Variants in LINGO2 observed in about 807,000 individuals in gnomAD.
LINGO2 encodes the protein leucine-rich repeat and immunoglobulin-like domain-containing nogo receptor-interacting protein 2.
A neutral mutation model predicts 30.6 loss-of-function variants in LINGO2; 14 were observed. The observed-to-expected ratio is 0.46, with a 90% CI of 0.30 to 0.72. The LOEUF (loss-of-function observed/expected upper bound fraction) is 0.72. Among genes scored for constraint, LINGO2 ranks in the 30% least tolerant of loss-of-function variants. The pLI, the probability that LINGO2 is intolerant of heterozygous loss-of-function variation, is 0.07. For missense variants in LINGO2, 729 were observed against 751.7 expected, an observed-to-expected ratio of 0.97 and a Z score of 0.35; for synonymous variants, 317 against 288.5, an observed-to-expected ratio of 1.10 and a Z score of -1.00.
chr9:29,168,098 G>C, the LINGO2 span, among the ~76,000 whole-genome samples: 1 of 151,852 alleles, frequency 6.6e-6, no homozygotes, highest in Non-Finnish European at 1.5e-5. Context: ...ATGAAGTCTT[G>C]AACTAGGAAT....
intron 1 of LINGO2, among the ~76,000 whole-genome samples, chr9:28,562,283 G>C (rs1823127705): frequency 6.6e-6 from 1 of 151,894 alleles, no homozygotes. Context: ...AGAAAGCATT[G>C]TTCTTTTTTT....
At chr9:28,680,847 T>C in the LINGO2 span, among the ~76,000 whole-genome samples, 2 of 152,124 alleles carry the variant, frequency 1.3e-5, no homozygotes, top group Non-Finnish European at 2.9e-5. Context: ...GTTTTGTGAA[T>C]TCTTTATGCA....
At chr9:28,621,335 A>G (rs1826381132) in intron 1 of LINGO2, among the ~76,000 whole-genome samples, 1 of 151,982 alleles carries the variant, frequency 6.6e-6, no homozygotes, top group Admixed American at 6.6e-5. Context: ...TGAATTTGAC[A>G]TATAGAGTCA....
At chr9:28,470,866 CTG>C (rs1447138265) in intron 2 of LINGO2, among the ~76,000 whole-genome samples, 1 of 147,914 alleles carries the variant, frequency 6.8e-6, no homozygotes, top group African/African-American at 2.5e-5. Context: ...ATTTATATAT[CTG>C]TAATTATATA....
intron 1 of LINGO2, among the ~76,000 whole-genome samples, chr9:28,512,822 G>A (rs1372488932): frequency 6.6e-6 from 1 of 151,202 alleles, no homozygotes; most frequent in East Asian, 2.0e-4. Flanking sequence ...ATGTTTGAGG[G>A]CAGGAAGCAT....
intron 4 of LINGO2, among the ~76,000 whole-genome samples, chr9:28,172,354 G>A (rs961341047): frequency 4.0e-5 from 6 of 149,686 alleles, no homozygotes; most frequent in African/African-American, 1.5e-4. Context: ...TCCCGCCACT[G>A]CACTCCAGCC....
chr9:29,118,367 C>A, the LINGO2 span, among the ~76,000 whole-genome samples: 3,908 of 152,206 alleles, frequency 0.026, 155 homozygotes, highest in African/African-American at 0.088. Context: ...TAAAAACCAG[C>A]AAACTAGGGA....
At chr9:28,409,619 G>GT (rs1822664231) in intron 2 of LINGO2, among the ~76,000 whole-genome samples, 2 of 114,852 alleles carry the variant, frequency 1.7e-5, no homozygotes, top group African/African-American at 5.3e-5. Flanking sequence ...AGATGTGCAG[G>GT]GGTGTGTGTG....
chr9:28,918,006 G>A, the LINGO2 span, among the ~76,000 whole-genome samples: 3 of 152,040 alleles, frequency 2.0e-5, no homozygotes, highest in Non-Finnish European at 2.9e-5. Context: ...CTCACTAACA[G>A]ATCCCTAAGG....
chr9:28,464,703 T>A (rs1326328602), intron 2 of LINGO2, among the ~76,000 whole-genome samples: 3 of 152,234 alleles, frequency 2.0e-5, no homozygotes, highest in Non-Finnish European at 1.5e-5. Flanking sequence ...AAGGCCATCA[T>A]CGGCTTTTTA....
the LINGO2 span, among the ~76,000 whole-genome samples, chr9:28,840,098 C>T: frequency 2.6e-5 from 4 of 152,002 alleles, no homozygotes; most frequent in Admixed American, 6.5e-5. Flanking sequence ...AGGGGCTAGG[C>T]AACAGGAGCA....
At chr9:28,950,941 C>T in the LINGO2 span, among the ~76,000 whole-genome samples, 12 of 152,108 alleles carry the variant, frequency 7.9e-5, no homozygotes, top group Non-Finnish European at 1.6e-4. Flanking sequence ...CAAGACAATC[C>T]TAAGCAAAAA....
At chr9:28,059,204 C>T (rs1166008729) in intron 4 of LINGO2, among the ~76,000 whole-genome samples, 1 of 152,008 alleles carries the variant, frequency 6.6e-6, no homozygotes, top group Non-Finnish European at 1.5e-5. Context: ...AGAACATGTT[C>T]CTTATAAATG....
intron 4 of LINGO2, among the ~76,000 whole-genome samples, chr9:28,255,665 G>T (rs1005999901): frequency 1.3e-5 from 2 of 152,036 alleles, no homozygotes; most frequent in Non-Finnish European, 2.9e-5. Flanking sequence ...TGCTTCAGTG[G>T]AATAAACATT....
the LINGO2 span, among the ~76,000 whole-genome samples, chr9:28,972,144 A>G: frequency 6.6e-6 from 1 of 152,354 alleles, no homozygotes; most frequent in South Asian, 2.1e-4. Flanking sequence ...GCAAGTCCTT[A>G]TGAATATCTG....
intron 2 of LINGO2, among the ~76,000 whole-genome samples, chr9:28,472,151 A>G (rs1336814903): frequency 6.6e-6 from 1 of 152,110 alleles, no homozygotes; most frequent in East Asian, 1.9e-4. Context: ...AGACATTCTG[A>G]TAATTCATTT....
At chr9:29,089,071 C>A in the LINGO2 span, among the ~76,000 whole-genome samples, 6 of 151,910 alleles carry the variant, frequency 3.9e-5, no homozygotes, top group African/African-American at 1.4e-4. Flanking sequence ...AAACTTAATT[C>A]TCTTCATTTT....
At chr9:28,362,108 G>A (rs1285169531) in intron 3 of LINGO2, among the ~76,000 whole-genome samples, 1 of 152,186 alleles carries the variant, frequency 6.6e-6, no homozygotes, top group East Asian at 1.9e-4. Flanking sequence ...AATATCTAAA[G>A]CTGGACGTGG....
At chr9:28,876,873 T>C in the LINGO2 span, among the ~76,000 whole-genome samples, 7 of 152,066 alleles carry the variant, frequency 4.6e-5, no homozygotes, top group South Asian at 6.2e-4. Context: ...ACCAACAGTG[T>C]AAAAGTGTTC....
Sources: gnomAD v4.1 joint callset for allele counts (sites outside exome capture counted in the v4.1 genomes callset) on GRCh38, gnomAD v4.1.1 for gene constraint, MANE v1.5 for transcripts, NCBI Gene and HGNC (gene_info 2026-07-23, HGNC 2026-07-21) for gene names.